FLOT1: variants seen among roughly 807,000 people sequenced by gnomAD.
FLOT1 encodes the protein flotillin-1.
FLOT1 carries 40 observed loss-of-function variants against 58.4 expected under a neutral mutation model. The observed-to-expected ratio is 0.69, with a 90% CI of 0.53 to 0.89. FLOT1 has a LOEUF of 0.89. Among genes scored for constraint, FLOT1 ranks in the 40% least tolerant of loss-of-function variants. The probability of loss-of-function intolerance (pLI) is 0.00; values close to 1 mark genes in which losing one functional copy is unlikely to be tolerated. For missense variants in FLOT1, 423 were observed against 540.8 expected (o/e 0.78, Z 2.16); for synonymous variants, 178 against 204.2 (o/e 0.87, Z 1.09).
chr6:30,741,573 T>C lies in FLOT1; in HGVS notation c.210+41A>G, dbSNP rs546976724. 2 of 1,449,334 alleles carry C rather than the reference T, an allele frequency of 1.4e-6. No individual in the cohort carries two copies. The highest frequency in any genetic ancestry group is 2.8e-5 in the African/African-American group (2 of 71,536). 89.8% of individuals were successfully genotyped at this position (1,449,334 alleles called of 1,614,324 possible). A position where few individuals can be genotyped will look rare whatever the true frequency, so the allele number is the denominator to read the frequency against. ...TCTTAATGTCTGGGAGAGAGGGTGA[T>C]GGGGAAGTGGACTGTGGGGAAAAGG... On this transcript the variant is annotated intron_variant, in intron 4 of 12. Transcript: ENST00000376389. The surrounding 1 kb of genome is among the most constrained non-coding windows in gnomAD (Gnocchi z 5.9).
intron 12 of FLOT1, 146 bp from the exon 13 acceptor site, chr6:30,728,291 C>G: frequency 1.4e-6 from 1 of 710,718 alleles, no homozygotes; most frequent in South Asian, 1.5e-5. Flanking sequence ...CCTGTTTCCC[C>G]AAACAAAGAC....
intron 8 of FLOT1, among the ~76,000 whole-genome samples, chr6:30,735,342 T>C (rs975766691): frequency 1.2e-4 from 18 of 151,592 alleles, no homozygotes; most frequent in African/African-American, 3.4e-4. Context: ...GCAGGTATGG[T>C]AACTCACACC....
intron 8 of FLOT1, among the ~76,000 whole-genome samples, chr6:30,736,943 T>C (rs752063591): frequency 6.6e-6 from 1 of 151,868 alleles, no homozygotes; most frequent in African/African-American, 2.4e-5. Context: ...CTGATCCCTA[T>C]ACAAATATAA....
chr6:30,730,784 A>G, intron 9 of FLOT1, 57 bp from the exon 10 acceptor site: 1 of 1,610,346 alleles, frequency 6.2e-7, no homozygotes, highest in South Asian at 1.1e-5. Flanking sequence ...CCCAGGAGAA[A>G]GGCCCAGTGC....
chr6:30,741,838 C>T lies in FLOT1; in HGVS notation c.73G>A (p.Ala25Thr), dbSNP rs756143200. Reference sequence around the variant, plus strand: ...GGCAGGACAAAGACACGCCCTCCAGCCACCATGACTGGGGGGCTTCGGCAG... The same window carrying T: ...GGCAGGACAAAGACACGCCCTCCAGTCACCATGACTGGGGGGCTTCGGCAG... ...GFCRSPPVMV[A>T]GGRVFVLPCI... The change falls in exon 3 of 13, where the codon GCT (alanine) becomes ACT (threonine). Residue 25 changes from alanine to threonine, a missense_variant. Around this residue, in one of 6 missense-constraint regions of FLOT1, gnomAD observed 91 missense variants for 118.3 expected, o/e 0.77. Coordinates refer to ENST00000376389, the MANE Select transcript of FLOT1 (RefSeq NM_005803.4). This position sits in a 1 kb window ranked among gnomAD's most constrained non-coding sequence, Gnocchi z 5.9. The T allele has an allele frequency of 1.2e-6, 2 of 1,612,900 alleles. No homozygotes were observed. Among genetic ancestry groups the T allele is most frequent in the Non-Finnish European group, 1.7e-6 (2 of 1,180,006 alleles).
rs772477281 is a variant in FLOT1, at chr6:30,740,640, G to C, written c.474+39C>G. 5.0e-6 allele frequency: 8 copies of C among 1,612,874 alleles called. No homozygotes were observed. The African/African-American group carries it at 9.3e-5, about 19-fold the overall frequency. On this transcript the variant is annotated intron_variant, in intron 6 of 12. Transcript: ENST00000376389. ...GTCCTTTGGAGGGCTTAAGAGATGG[G>C]AGCAAGGAAGTGGGGAAGGATCAAT...
Position 30,727,932 on chromosome 6 carries a change from G to A in FLOT1, c.*184C>T. ...ACCGCTGGAGTTGGCAATCATAGCAGTGTGAGGTTGGCAAGGGGAGCAACC... is the reference window on the plus strand; with the variant it reads ...ACCGCTGGAGTTGGCAATCATAGCAATGTGAGGTTGGCAAGGGGAGCAACC... On this transcript the variant is annotated 3_prime_UTR_variant, in exon 13 of 13. Coordinates refer to ENST00000376389, the MANE Select transcript of FLOT1 (RefSeq NM_005803.4). The A allele has an allele frequency of 3.0e-6, 2 of 656,160 alleles. No homozygotes were observed. The highest frequency in any genetic ancestry group is 1.7e-5 in the South Asian group (1 of 58,540). 40.6% of individuals were successfully genotyped at this position (656,160 alleles called of 1,614,324 possible).
Position 30,742,260 on chromosome 6 carries a change from C to T in FLOT1, c.-14-57G>A. ...TGGGGAAGGCGCGCTGTGGCGTCCA[C>T]AGGGGCCCATCCTTTCCCTTTCCCG... On this transcript the variant is annotated intron_variant, in intron 1 of 12. Coordinates refer to ENST00000376389, the MANE Select transcript of FLOT1 (RefSeq NM_005803.4). This position sits in a 1 kb window ranked among gnomAD's most constrained non-coding sequence, Gnocchi z 5.2. The T allele has an allele frequency of 6.8e-7, 1 of 1,463,128 alleles. No homozygotes were observed. The highest frequency in any genetic ancestry group is 9.6e-7 in the Non-Finnish European group (1 of 1,043,590). The allele number at this position is 1,463,128 out of a possible 1,614,324, so 90.6% of individuals were successfully genotyped here.
chr6:30,730,764 A>G (rs1064627), intron 9 of FLOT1, 37 bp from the exon 10 acceptor site: 298,610 of 1,612,202 alleles, frequency 0.19, 29,330 homozygotes, highest in African/African-American at 0.26. Flanking sequence ...GGAGCCCAGC[A>G]GCCCTTACTC....
In FLOT1 at chr6:30,740,418, C is replaced by T. The variant is rs1460572408; in HGVS notation, c.570+78G>A. On this transcript the variant is annotated intron_variant, in intron 7 of 12. Coordinates refer to ENST00000376389, the MANE Select transcript of FLOT1 (RefSeq NM_005803.4). ...CTTTCTGCCTCATGTATTTTCCCTG[C>T]TCACCCAGCACCCCTGCTTCTTCTC... 1.4e-5 allele frequency: 23 copies of T among 1,588,104 alleles called. 1 individual carries two copies. The highest frequency in any genetic ancestry group is 3.3e-5 in the South Asian group (3 of 90,480).
intron 8 of FLOT1, among the ~76,000 whole-genome samples, chr6:30,738,584 T>A (rs3130660): frequency 0.073 from 11,054 of 152,282 alleles, 578 homozygotes; most frequent in Non-Finnish European, 0.12. Flanking sequence ...CTGATCAACA[T>A]AGAGCCTTGC....
rs554429798 is a variant in FLOT1 at position 30,735,056 on chromosome 6, AG to A, written c.724-3957del. Among the ~76,000 whole-genome samples, 391 of 152,142 alleles carry A rather than the reference AG, an allele frequency of 2.6e-3. 4 individuals are homozygous for A. Among genetic ancestry groups the A allele is most frequent in the African/African-American group, 7.0e-3 (292 of 41,492 alleles). On this transcript the variant is annotated intron_variant, in intron 8 of 12. Transcript: ENST00000376389. ...GGTGATCTGGATAGGCCATGTACGG[AG>A]AAACATCTGATTCAGGATTTTAAGT...
Position 30,731,058 on chromosome 6 carries a change from C to A in FLOT1, c.766G>T (p.Val256Leu). The A allele has an allele frequency of 6.2e-7, 1 of 1,610,746 alleles. No individual in the cohort carries two copies. Among genetic ancestry groups the A allele is most frequent in the Non-Finnish European group, 8.5e-7 (1 of 1,179,790 alleles). Residue 256 changes from valine (V) to leucine (L), a missense_variant, in exon 9 of 13, where the codon GTG becomes TTG. By Grantham distance (32) the Val-to-Leu change is conservative. Coordinates refer to ENST00000376389, the MANE Select transcript of FLOT1 (RefSeq NM_005803.4). Reference protein sequence around the residue: ...KQQIEEQRVQVQVVERAQQVA... With the variant: ...KQQIEEQRVQLQVVERAQQVA... ...TGCTGGGCCCGCTCCACCACCTGCACCTGCACCCGCTGCTCCTCAATCTGC... is the reference window on the plus strand; with the variant it reads ...TGCTGGGCCCGCTCCACCACCTGCAACTGCACCCGCTGCTCCTCAATCTGC...
rs967332945 is a variant in FLOT1 at position 30,737,486 on chromosome 6, G to A, written c.723+2672C>T. 8.6e-5 allele frequency among the ~76,000 whole-genome samples: 13 copies of A among 152,016 alleles called. No homozygotes were observed. Among genetic ancestry groups the A allele is most frequent in the African/African-American group, 2.7e-4 (11 of 41,396 alleles). On this transcript the variant is annotated intron_variant, in intron 8 of 12. Transcript: ENST00000376389. This position sits in a 1 kb window ranked among gnomAD's most constrained non-coding sequence, Gnocchi z 4.4. ...TTGGCCAGACTGGTCTCAAACTCCCGGCCTCAAGTGATCTTCCTGTCTCAG... is the reference window on the plus strand; with the variant it reads ...TTGGCCAGACTGGTCTCAAACTCCCAGCCTCAAGTGATCTTCCTGTCTCAG...
intron 8 of FLOT1, among the ~76,000 whole-genome samples, chr6:30,739,215 T>C (rs1205091537): frequency 2.0e-5 from 3 of 152,098 alleles, no homozygotes; most frequent in African/African-American, 4.8e-5. Flanking sequence ...TCTGTGTAGA[T>C]GCAGACCCAT....
chr6:30,733,538 C>T (rs1414352161), intron 8 of FLOT1, among the ~76,000 whole-genome samples: 2 of 150,500 alleles, frequency 1.3e-5, no homozygotes, highest in Non-Finnish European at 3.0e-5. Flanking sequence ...GTCAGGAGTT[C>T]ATGACCAGCC....
rs148135146 is a variant in FLOT1 at position 30,742,101 on chromosome 6, C to T, written c.43+46G>A. On this transcript the variant is annotated intron_variant, in intron 2 of 12. Coordinates refer to ENST00000376389, the MANE Select transcript of FLOT1 (RefSeq NM_005803.4). The surrounding 1 kb of genome is among the most constrained non-coding windows in gnomAD (Gnocchi z 5.2). ...GGAGAAGGGGCAGAGGCCAGACTCA[C>T]AGGGGTTCTGGGGTCACTGGCTGGG... 2.1e-4 allele frequency: 331 copies of T among 1,599,484 alleles called. 1 individual carries two copies. The African/African-American group carries it at 4.1e-3, about 20-fold the overall frequency.
chr6:30,740,793 G>C lies in FLOT1; in HGVS notation c.360C>G (p.Ile120Met). 6.3e-7 allele frequency: 1 copy of C among 1,587,762 alleles called. No individual in the cohort carries two copies. Among genetic ancestry groups the C allele is most frequent in the Non-Finnish European group, 8.6e-7 (1 of 1,159,434 alleles). Residue 120 changes from isoleucine to methionine, a missense_variant, in exon 6 of 13, where the codon ATC becomes ATG. Physicochemically the swap from Ile to Met is conservative, Grantham distance 10 (BLOSUM62 1). Around this residue, in one of 6 missense-constraint regions of FLOT1, gnomAD observed 137 missense variants for 194.6 expected, o/e 0.70. Coordinates refer to ENST00000376389, the MANE Select transcript of FLOT1 (RefSeq NM_005803.4). ...AIMAHMTVEE[I>M]YKDRQKFSEQ... ...CTGAGAATTTCTGCCTGTCCTTATAGATCTCCTGTGATAACAGGATGGTGG... is the reference window on the plus strand; with the variant it reads ...CTGAGAATTTCTGCCTGTCCTTATACATCTCCTGTGATAACAGGATGGTGG...
intron 12 of FLOT1, among the ~76,000 whole-genome samples, 158 bp from the exon 13 acceptor site, chr6:30,728,303 T>A (rs1196928251): frequency 6.6e-6 from 1 of 151,932 alleles, no homozygotes; most frequent in East Asian, 1.9e-4. Flanking sequence ...AACAAAGACA[T>A]CAGGACCCAC....
Sources: allele counts gnomAD v4.1 joint callset (sites outside exome capture counted in the v4.1 genomes callset), GRCh38; gene constraint gnomAD v4.1.1; regional missense constraint gnomAD v4.1.1; non-coding constraint Gnocchi (gnomAD v3.1); transcripts MANE v1.5; gene names NCBI Gene and HGNC (gene_info 2026-07-23, HGNC 2026-07-21).